ARSJ: variants seen among roughly 807,000 people sequenced by gnomAD.
ARSJ encodes arylsulfatase J.
A neutral mutation model predicts 35.9 loss-of-function variants in ARSJ; 26 were observed. The ratio of observed to expected loss-of-function variants is 0.72; its 90% CI spans 0.53 to 1.00. ARSJ has a LOEUF of 1.00. ARSJ is among the 50% of genes least tolerant of loss of function. ARSJ has a pLI of 0.00. For synonymous variants in ARSJ, 294 were observed against 267.6 expected, an observed-to-expected ratio of 1.10 and a Z score of -0.96; for missense variants, 667 against 723.6, an observed-to-expected ratio of 0.92 and a Z score of 0.90.
At chr4:113,915,040 G>A (rs1186775370) in intron 1 of ARSJ, among the ~76,000 whole-genome samples, 1 of 152,090 alleles carries the variant, frequency 6.6e-6, no homozygotes, top group Admixed American at 6.5e-5. Context: ...AGACTCCCAA[G>A]GCTACAGGCA....
chr4:113,939,255 G>T (rs201719905), intron 1 of ARSJ, among the ~76,000 whole-genome samples: 1 of 103,338 alleles, frequency 9.7e-6, no homozygotes, highest in Admixed American at 1.1e-4. Context: ...CATTTTTTAT[G>T]GCTGCATAGT....
chr4:113,956,224 T>C (rs1052846117), intron 1 of ARSJ, among the ~76,000 whole-genome samples: 9 of 152,040 alleles, frequency 5.9e-5, no homozygotes, highest in Admixed American at 2.0e-4. Context: ...ATGAAACATG[T>C]GCTTGGAATA....
chr4:113,956,583 TAAG>T (rs1370354024), intron 1 of ARSJ, among the ~76,000 whole-genome samples: 1 of 152,036 alleles, frequency 6.6e-6, no homozygotes, highest in Admixed American at 6.6e-5. Context: ...ATGTTTGAAT[TAAG>T]AAGGAGAAAC....
At chr4:113,947,469 G>A (rs1355394902) in intron 1 of ARSJ, among the ~76,000 whole-genome samples, 1 of 143,866 alleles carries the variant, frequency 7.0e-6, no homozygotes, top group East Asian at 2.3e-4. Context: ...AAGAGAATGA[G>A]ATTCTGTTTC....
At chr4:113,971,905 T>G (rs569069843) in intron 1 of ARSJ, among the ~76,000 whole-genome samples, 36 of 152,308 alleles carry the variant, frequency 2.4e-4, no homozygotes, top group African/African-American at 7.2e-4. Flanking sequence ...TGAGTGTGTG[T>G]GTACACACAT....
intron 1 of ARSJ, among the ~76,000 whole-genome samples, chr4:113,950,316 A>G (rs951936235): frequency 6.6e-6 from 1 of 152,032 alleles, no homozygotes; most frequent in South Asian, 2.1e-4. Context: ...TGCTCCCCTA[A>G]TACCTGCCTC....
chr4:113,950,337 T>A (rs1562365116), intron 1 of ARSJ, among the ~76,000 whole-genome samples: 1 of 152,076 alleles, frequency 6.6e-6, no homozygotes, highest in Non-Finnish European at 1.5e-5. Context: ...TGCTGCAACC[T>A]CATCATTGCT....
intron 1 of ARSJ, among the ~76,000 whole-genome samples, chr4:113,977,486 TC>T (rs1231897446): frequency 6.6e-6 from 1 of 152,180 alleles, no homozygotes; most frequent in East Asian, 1.9e-4. Flanking sequence ...AAGCAAGGGT[TC>T]CCTGTCCTGC....
chr4:113,970,262 G>A (rs537891292), intron 1 of ARSJ, among the ~76,000 whole-genome samples: 1 of 152,134 alleles, frequency 6.6e-6, no homozygotes, highest in Non-Finnish European at 1.5e-5. Flanking sequence ...TTAAAGACTG[G>A]ACTGAGGTGT....
intron 1 of ARSJ, among the ~76,000 whole-genome samples, chr4:113,920,100 C>T (rs1051200804): frequency 6.6e-6 from 1 of 151,902 alleles, no homozygotes; most frequent in African/African-American, 2.4e-5. Context: ...TGGAGTAGGA[C>T]CTTAGAGCTG....
intron 1 of ARSJ, among the ~76,000 whole-genome samples, chr4:113,947,600 GGAGAGA>G (rs1262125603): frequency 9.0e-6 from 1 of 111,326 alleles, no homozygotes; most frequent in Non-Finnish European, 2.0e-5. Flanking sequence ...AAGGAGAGAG[GGAGAGA>G]GAGGGAGGGA....
At chr4:113,924,906 G>C (rs1272114372) in intron 1 of ARSJ, among the ~76,000 whole-genome samples, 1 of 152,072 alleles carries the variant, frequency 6.6e-6, no homozygotes, top group Middle Eastern at 3.2e-3. Flanking sequence ...TTTGCCCTCT[G>C]CAAGCACCTC....
intron 1 of ARSJ, among the ~76,000 whole-genome samples, chr4:113,971,315 T>C (rs966266725): frequency 6.6e-6 from 1 of 152,214 alleles, no homozygotes; most frequent in South Asian, 2.1e-4. Flanking sequence ...CTAAGAGTTG[T>C]CATTTGGATG....
rs746432422 is a variant in ARSJ, at chr4:113,978,769, TC to T, written c.65del (p.Gly22GlufsTer4). The T allele has an allele frequency of 6.2e-7, 1 of 1,614,202 alleles. No individual in the cohort carries two copies. Among genetic ancestry groups the T allele is most frequent in the Admixed American group, 1.7e-5 (1 of 60,030 alleles). ...PPSPQACVCP[G>X]KMLAMGALAG... ...CCAGCGCCCCCATTGCTAGCATCTT[TC>T]CAGGACAGACACAGGCCTGTGGAGA... On this transcript the variant is annotated frameshift_variant, in exon 1 of 2. Coordinates refer to ENST00000315366, the MANE Select transcript of ARSJ (RefSeq NM_024590.4). LOFTEE classifies it high-confidence loss of function.
At chr4:113,913,059 A>G (rs12506510) in intron 1 of ARSJ, among the ~76,000 whole-genome samples, 107,614 of 151,970 alleles carry the variant, frequency 0.71, 38,889 homozygotes, top group East Asian at 0.81. Context: ...TACTCAGGAG[A>G]TTACCTTCGG....
At chr4:113,904,714 C>T (rs2149247665) in intron 1 of ARSJ, among the ~76,000 whole-genome samples, 1 of 152,304 alleles carries the variant, frequency 6.6e-6, no homozygotes, top group Admixed American at 6.5e-5. Flanking sequence ...TGGTCTCGAT[C>T]TCCTGACCTC....
chr4:113,912,821 A>G (rs1349095781), intron 1 of ARSJ, among the ~76,000 whole-genome samples: 1 of 152,044 alleles, frequency 6.6e-6, no homozygotes, highest in Non-Finnish European at 1.5e-5. Context: ...TCTGTTGAAC[A>G]TGATTATTTC....
rs1554119834 is a variant in ARSJ, at chr4:113,955,518, TA to T, written c.398+22918del. 6.6e-5 allele frequency among the ~76,000 whole-genome samples: 10 copies of T among 151,890 alleles called. 1 individual carries two copies. Among genetic ancestry groups the T allele is most frequent in the Non-Finnish European group, 1.5e-4 (10 of 67,950 alleles). ...AGGAGCTGTGCCACCGTTTTTATTA[TA>T]AAAGAAACTACTATTAGGATGCAGT... is the stretch of plus-strand genomic sequence containing the variant. On this transcript the variant is annotated intron_variant, in intron 1 of 1. Coordinates refer to ENST00000315366, the MANE Select transcript of ARSJ (RefSeq NM_024590.4).
At chr4:113,903,797 A>T (rs1417626774) in intron 1 of ARSJ, 122 bp from the exon 2 acceptor site, 2 of 1,295,326 alleles carry the variant, frequency 1.5e-6, no homozygotes, top group Non-Finnish European at 2.1e-6. Flanking sequence ...AATTGACCCC[A>T]ATGATAAATG....
Sources: gnomAD v4.1 joint callset for allele counts (sites outside exome capture counted in the v4.1 genomes callset) on GRCh38, gnomAD v4.1.1 for gene constraint, MANE v1.5 for transcripts, NCBI Gene and HGNC (gene_info 2026-07-23, HGNC 2026-07-21) for gene names.